Variants in ZNF678 observed in about 807,000 individuals in gnomAD.
ZNF678 encodes hypothetical protein MGC42493.
Under a neutral mutation model 3.0 loss-of-function variants are expected in ZNF678, and 5 were observed. The ratio of observed to expected loss-of-function variants is 1.69; its 90% CI spans 0.88 to 3.56. The LOEUF (loss-of-function observed/expected upper bound fraction) is 3.56. Among genes scored for constraint, ZNF678 ranks in the 30% most tolerant of loss-of-function variants. The pLI is 0.00. For missense variants in ZNF678, 593 were observed against 605.0 expected (o/e 0.98, Z 0.21); for synonymous variants, 218 against 199.6 (o/e 1.09, Z -0.78).
intron 1 of ZNF678, among the ~76,000 whole-genome samples, chr1:227,582,088 T>C (rs928463349): frequency 3.3e-5 from 5 of 152,184 alleles, no homozygotes; most frequent in Non-Finnish European, 5.9e-5. Flanking sequence ...TTTTGCATTG[T>C]TATATTGCAT....
intron 1 of ZNF678, among the ~76,000 whole-genome samples, chr1:227,583,084 T>C (rs1430500385): frequency 6.6e-6 from 1 of 152,168 alleles, no homozygotes; most frequent in Non-Finnish European, 1.5e-5. Context: ...TGTTTTTATT[T>C]ATTTTACTTA....
In ZNF678 at chr1:227,646,545, G is replaced by T. The variant is rs780241505; in HGVS notation, c.-162G>T. ...CGTGTGTATTTTTCCCCCCCCCAGG[G>T]ACTACTGGCATTCAGTGATGTGGTC... is the stretch of plus-strand genomic sequence containing the variant. On this transcript the variant is annotated splice_region_variant and 5_prime_UTR_variant, in exon 2 of 4. Transcript: ENST00000343776. The T allele has an allele frequency of 2.0e-5, 28 of 1,370,530 alleles. No homozygotes were observed. The South Asian group carries it at 2.6e-4, about 13-fold the overall frequency. The allele number at this position is 1,370,530 out of a possible 1,614,324, so 84.9% of individuals were successfully genotyped here.
At chr1:227,669,831 C>T (rs1659571591) in intron 5 of ZNF678, among the ~76,000 whole-genome samples, 1 of 151,996 alleles carries the variant, frequency 6.6e-6, no homozygotes. Context: ...ACCATTTGAC[C>T]CAGCAATTCC....
At chr1:227,633,474 T>A (rs920664557) in intron 1 of ZNF678, among the ~76,000 whole-genome samples, 7 of 152,314 alleles carry the variant, frequency 4.6e-5, no homozygotes, top group African/African-American at 1.7e-4. Context: ...ACAAGCCCCG[T>A]GTTTAAAGGT....
At chr1:227,644,894 G>A (rs1181396887) in intron 1 of ZNF678, among the ~76,000 whole-genome samples, 1 of 152,164 alleles carries the variant, frequency 6.6e-6, no homozygotes, top group Non-Finnish European at 1.5e-5. Flanking sequence ...CTAAGGTAAG[G>A]TCAGGGTCAA....
At chr1:227,576,658 G>T (rs902459891) in intron 1 of ZNF678, among the ~76,000 whole-genome samples, 4 of 151,892 alleles carry the variant, frequency 2.6e-5, no homozygotes, top group African/African-American at 9.7e-5. Flanking sequence ...GCTAGCTCAT[G>T]GTCTATTTTA....
rs115271428 is a variant in ZNF678 at position 227,648,591 on chromosome 1, G to A, written c.-37+1921G>A. On this transcript the variant is annotated intron_variant, in intron 2 of 3. Coordinates refer to ENST00000343776, the MANE Select transcript of ZNF678 (RefSeq NM_001367909.1). The stretch of plus-strand genomic sequence containing the variant: ...CCAGCACTTTGGGAGGCCAAGGTGC[G>A]CAGATCACTTGTGGTTAGGAGTTCG... Among the ~76,000 whole-genome samples, 1,454 of 152,196 alleles carry A rather than the reference G, an allele frequency of 9.6e-3. 8 individuals are homozygous for A. Among genetic ancestry groups the A allele is most frequent in the African/African-American group, 0.017 (717 of 41,510 alleles).
intron 5 of ZNF678, among the ~76,000 whole-genome samples, chr1:227,671,291 G>A (rs752833662): frequency 9.9e-5 from 15 of 151,424 alleles, no homozygotes; most frequent in Non-Finnish European, 2.2e-4. Flanking sequence ...TGTTGCCCAT[G>A]CTAGAATCAA....
chr1:227,586,948 G>A (rs1210750855), intron 1 of ZNF678, among the ~76,000 whole-genome samples: 1 of 152,204 alleles, frequency 6.6e-6, no homozygotes, highest in Non-Finnish European at 1.5e-5. Flanking sequence ...AAGCCCATGG[G>A]GGTGGGGTGA....
downstream of ZNF678, among the ~76,000 whole-genome samples, chr1:227,666,830 C>T (rs1162699933): frequency 6.6e-5 from 10 of 150,416 alleles, no homozygotes; most frequent in South Asian, 4.2e-4. Flanking sequence ...CTCCAACCTC[C>T]GCCTCCCGGG....
chr1:227,601,039 A>G (rs1400766994), intron 1 of ZNF678, among the ~76,000 whole-genome samples: 2 of 152,058 alleles, frequency 1.3e-5, no homozygotes, highest in Non-Finnish European at 2.9e-5. Context: ...TTCTTTATTC[A>G]TTGCATGTTT....
At chr1:227,672,174 AT>A (rs1464996509) in intron 5 of ZNF678, among the ~76,000 whole-genome samples, 1 of 152,218 alleles carries the variant, frequency 6.6e-6, no homozygotes, top group East Asian at 1.9e-4. Flanking sequence ...ATTCCAGGTG[AT>A]GTAAATACTT....
chr1:227,588,931 A>C (rs1657335480), intron 1 of ZNF678, among the ~76,000 whole-genome samples: 1 of 149,426 alleles, frequency 6.7e-6, no homozygotes, highest in Non-Finnish European at 1.5e-5. Flanking sequence ...TATTGGCTGC[A>C]TGTATGTCTT....
chr1:227,626,001 ACTC>A (rs1178636903), intron 1 of ZNF678, among the ~76,000 whole-genome samples: 1 of 151,544 alleles, frequency 6.6e-6, no homozygotes, highest in African/African-American at 2.4e-5. Flanking sequence ...CTTTAGAAAA[ACTC>A]CTATACGATG....
At chr1:227,673,707 A>C (rs1342687562) in intron 5 of ZNF678, among the ~76,000 whole-genome samples, 1 of 152,214 alleles carries the variant, frequency 6.6e-6, no homozygotes, top group African/African-American at 2.4e-5. Flanking sequence ...GCCTTATCCA[A>C]TGAAGCTTTA....
intron 1 of ZNF678, among the ~76,000 whole-genome samples, chr1:227,573,540 A>G (rs943882236): frequency 6.6e-6 from 1 of 152,340 alleles, no homozygotes; most frequent in Admixed American, 6.5e-5. Context: ...TGCTCTTTAC[A>G]TTATACCTAA....
chr1:227,623,619 A>G (rs1352385736), intron 1 of ZNF678, among the ~76,000 whole-genome samples: 1 of 152,174 alleles, frequency 6.6e-6, no homozygotes, highest in Non-Finnish European at 1.5e-5. Flanking sequence ...TTTTTGAGTT[A>G]TGTTCAATAT....
chr1:227,651,512 TG>T (rs1659092379), intron 3 of ZNF678, among the ~76,000 whole-genome samples: 1 of 152,210 alleles, frequency 6.6e-6, no homozygotes, highest in African/African-American at 2.4e-5. Flanking sequence ...GCTCTCTGAC[TG>T]GGTAGGACCT....
At chr1:227,625,673 A>G (rs1219200185) in intron 1 of ZNF678, among the ~76,000 whole-genome samples, 1 of 152,126 alleles carries the variant, frequency 6.6e-6, no homozygotes, top group African/African-American at 2.4e-5. Context: ...AAATAGGCTT[A>G]CCGGGTGAGT....
Sources: allele counts gnomAD v4.1 joint callset (sites outside exome capture counted in the v4.1 genomes callset), GRCh38; gene constraint gnomAD v4.1.1; transcripts MANE v1.5; gene names NCBI Gene and HGNC (gene_info 2026-07-23, HGNC 2026-07-21).